SDK1: variants seen among roughly 807,000 people sequenced by gnomAD.
SDK1 encodes the protein protein sidekick-1.
A neutral mutation model predicts 245.5 loss-of-function variants in SDK1; 157 were observed. The observed-to-expected ratio is 0.64, with a 90% CI of 0.56 to 0.73. The LOEUF is 0.73. Among genes scored for constraint, SDK1 ranks in the 30% least tolerant of loss-of-function variants. The probability of loss-of-function intolerance (pLI) is 0.00; values close to 1 mark genes in which losing one functional copy is unlikely to be tolerated. For missense variants in SDK1, 3,583 were observed against 3,002.3 expected (o/e 1.19, Z -4.52); for synonymous variants, 1,647 against 1,278.5 (o/e 1.29, Z -6.15).
At chr7:4,153,747 G>A (rs931078271) in intron 30 of SDK1, among the ~76,000 whole-genome samples, 7 of 152,136 alleles carry the variant, frequency 4.6e-5, no homozygotes, top group African/African-American at 9.7e-5. Context: ...CTCCGTCATC[G>A]TTCACTGCAG....
chr7:3,942,150 C>G (rs1452699445), intron 5 of SDK1, among the ~76,000 whole-genome samples: 1 of 152,152 alleles, frequency 6.6e-6, no homozygotes, highest in African/African-American at 2.4e-5. Context: ...TCATGATCCG[C>G]CCACCCAAGC....
At chr7:3,768,114 T>A (rs1171406552) in intron 4 of SDK1, among the ~76,000 whole-genome samples, 3 of 152,236 alleles carry the variant, frequency 2.0e-5, no homozygotes, top group Non-Finnish European at 4.4e-5. Flanking sequence ...GTCTTAGGGA[T>A]GGTCATTAAC....
At chr7:3,804,550 ATTC>A (rs2115039226) in intron 4 of SDK1, among the ~76,000 whole-genome samples, 1 of 152,172 alleles carries the variant, frequency 6.6e-6, no homozygotes, top group African/African-American at 2.4e-5. Context: ...TGCTATTCTA[ATTC>A]TTCTGCCTTT....
chr7:4,143,025 C>T (rs549242824), intron 28 of SDK1, among the ~76,000 whole-genome samples: 1 of 152,256 alleles, frequency 6.6e-6, no homozygotes, highest in Non-Finnish European at 1.5e-5. Context: ...TAAGGGGGAA[C>T]TCCGACCCAG....
intron 4 of SDK1, among the ~76,000 whole-genome samples, chr7:3,791,101 T>G (rs773197415): frequency 5.9e-5 from 9 of 152,014 alleles, no homozygotes. Flanking sequence ...TTTAATACTC[T>G]TAAAGCTCTT....
At chr7:3,633,863 G>C (rs1464009332) in intron 2 of SDK1, among the ~76,000 whole-genome samples, 1 of 152,002 alleles carries the variant, frequency 6.6e-6, no homozygotes, top group East Asian at 1.9e-4. Context: ...AGTCACTCTG[G>C]AACTGGTCCT....
At chr7:4,216,465 C>T (rs1447440392) in intron 38 of SDK1, among the ~76,000 whole-genome samples, 1 of 152,220 alleles carries the variant, frequency 6.6e-6, no homozygotes. Context: ...CAGACTCTAA[C>T]CCTTTCACTA....
intron 13 of SDK1, among the ~76,000 whole-genome samples, chr7:3,986,011 G>A (rs1414214487): frequency 2.0e-5 from 3 of 152,058 alleles, no homozygotes; most frequent in Non-Finnish European, 4.4e-5. Context: ...GGCACTGCCT[G>A]GCAGCGTTTA....
At position 3,570,040 on chromosome 7, in the gene SDK1, C is replaced by G. The variant is rs188530337; in HGVS notation, c.299-49040C>G. ...TAATTCTAAATCACACACACCAGCT[C>G]CATCATTTGAGAGAGGTGGGGACAG... On this transcript the variant is annotated intron_variant, in intron 1 of 44. Transcript: ENST00000404826. Among the ~76,000 whole-genome samples, 307 of 152,276 alleles carry G rather than the reference C, an allele frequency of 2.0e-3. 2 individuals are homozygous for G. Among genetic ancestry groups the G allele is most frequent in the Middle Eastern group, 0.01 (3 of 294 alleles).
chr7:3,646,822 C>G (rs568701914), intron 4 of SDK1, among the ~76,000 whole-genome samples: 3 of 152,186 alleles, frequency 2.0e-5, no homozygotes, highest in Non-Finnish European at 4.4e-5. Context: ...ACAATTATCT[C>G]AGATACTATG....
At position 4,116,580 on chromosome 7, in the gene SDK1, A is replaced by G. The variant is rs1309464806; in HGVS notation, c.3823+2306A>G. On this transcript the variant is annotated intron_variant, in intron 25 of 44. Transcript: ENST00000404826. ...TTACTGTAATGCACAGTGGGTTGCA[A>G]TGCACAGAAGCCCCCTGGGTTTCCT... Among the ~76,000 whole-genome samples, 4 of 152,322 alleles carry G rather than the reference A, an allele frequency of 2.6e-5. No homozygotes were observed. The East Asian group carries it at 5.8e-4, about 22-fold the overall frequency.
chr7:4,001,937 G>A (rs528560972), intron 14 of SDK1, among the ~76,000 whole-genome samples: 1 of 152,326 alleles, frequency 6.6e-6, no homozygotes, highest in Admixed American at 6.5e-5. Context: ...AATTGTGTTT[G>A]TCTTAGATGT....
intron 32 of SDK1, among the ~76,000 whole-genome samples, chr7:4,169,729 G>A (rs545929966): frequency 6.6e-5 from 10 of 152,308 alleles, no homozygotes; most frequent in Admixed American, 2.6e-4. Context: ...TGGTGAGTCA[G>A]TGTGAGGAGA....
At chr7:4,019,835 G>GAGC (rs1786730978) in intron 17 of SDK1, among the ~76,000 whole-genome samples, 1 of 152,070 alleles carries the variant, frequency 6.6e-6, no homozygotes, top group Non-Finnish European at 1.5e-5. Context: ...GCACTCCTGG[G>GAGC]AGCACCCTTA....
intron 19 of SDK1, among the ~76,000 whole-genome samples, chr7:4,054,489 A>C (rs1779083740): frequency 6.6e-6 from 1 of 152,148 alleles, no homozygotes; most frequent in Non-Finnish European, 1.5e-5. Flanking sequence ...ACACATGTGT[A>C]GGTTTGTGTA....
chr7:3,833,344 G>A (rs374615872), intron 5 of SDK1, among the ~76,000 whole-genome samples: 1 of 152,092 alleles, frequency 6.6e-6, no homozygotes, highest in East Asian at 1.9e-4. Context: ...GGCCATGTCT[G>A]GTATTAAATG....
intron 8 of SDK1, among the ~76,000 whole-genome samples, chr7:3,960,698 G>C (rs2128129104): frequency 6.6e-6 from 1 of 152,282 alleles, no homozygotes; most frequent in Non-Finnish European, 1.5e-5. Context: ...CCACGGCTCT[G>C]TTCTGTTTCT....
At chr7:3,391,483 T>G (rs1454420152) in intron 1 of SDK1, among the ~76,000 whole-genome samples, 1 of 152,252 alleles carries the variant, frequency 6.6e-6, no homozygotes, top group African/African-American at 2.4e-5. Context: ...TTTTTTCCTT[T>G]ACGTTTTCTG....
Position 4,120,184 on chromosome 7 carries a change from G to A in SDK1, c.3823+5910G>A, listed in dbSNP as rs368654356. 4.0e-5 allele frequency among the ~76,000 whole-genome samples: 6 copies of A among 148,988 alleles called. 1 individual carries two copies. Among genetic ancestry groups the A allele is most frequent in the African/African-American group, 1.5e-4 (6 of 40,784 alleles). On this transcript the variant is annotated intron_variant, in intron 25 of 44. Transcript: ENST00000404826. ...ACCACATAGCTAATAGGACTCGAAAGAGGAAGCAAATGAGAGTTACAAAAT... is the reference window on the plus strand; with the variant it reads ...ACCACATAGCTAATAGGACTCGAAAAAGGAAGCAAATGAGAGTTACAAAAT...
Sources: allele counts gnomAD v4.1 joint callset (sites outside exome capture counted in the v4.1 genomes callset), GRCh38; gene constraint gnomAD v4.1.1; transcripts MANE v1.5; gene names NCBI Gene and HGNC (gene_info 2026-07-23, HGNC 2026-07-21).